EYS: variants seen among roughly 807,000 people sequenced by gnomAD.
EYS encodes the protein EGF-like photoreceptor maintenance factor.
In EYS, 250 loss-of-function variants were observed where a neutral mutation model predicts 282.1. The observed-to-expected ratio is 0.89, with a 90% CI of 0.80 to 0.98. The LOEUF (loss-of-function observed/expected upper bound fraction) is 0.98. EYS is among the 50% of genes least tolerant of loss of function. EYS has a pLI of 0.00. For missense variants in EYS, 4,016 were observed against 3,709.0 expected (o/e 1.08, Z -2.15); for synonymous variants, 1,355 against 1,282.9 (o/e 1.06, Z -1.20).
chr6:65,043,354 A>G (rs1772996810), intron 13 of EYS, among the ~76,000 whole-genome samples: 1 of 151,560 alleles, frequency 6.6e-6, no homozygotes, highest in Non-Finnish European at 1.5e-5. Flanking sequence ...CAAATGAAGT[A>G]AATGGGACTA....
intron 2 of EYS, among the ~76,000 whole-genome samples, chr6:65,616,236 A>G (rs1766194651): frequency 6.6e-6 from 1 of 152,172 alleles, no homozygotes; most frequent in South Asian, 2.1e-4. Context: ...GTCATATAAA[A>G]TGTTTCTGCT....
chr6:63,905,927 A>G (rs902254686), intron 35 of EYS, among the ~76,000 whole-genome samples: 36 of 152,316 alleles, frequency 2.4e-4, no homozygotes, highest in Admixed American at 3.3e-4. Context: ...TTGAAATTCC[A>G]GAAAAAAACA....
chr6:64,414,990 G>A (rs1774018256), intron 28 of EYS, among the ~76,000 whole-genome samples: 1 of 152,076 alleles, frequency 6.6e-6, no homozygotes, highest in Non-Finnish European at 1.5e-5. Context: ...GAGAGGATGA[G>A]TATGTCTCTC....
intron 19 of EYS, among the ~76,000 whole-genome samples, chr6:64,875,425 G>A (rs188026757): frequency 1.6e-4 from 24 of 152,012 alleles, no homozygotes; most frequent in East Asian, 9.7e-4. Context: ...TGGGTGCTCC[G>A]GGCTATATCT....
chr6:63,951,858 T>G (rs1211447716), intron 35 of EYS, among the ~76,000 whole-genome samples: 1 of 152,226 alleles, frequency 6.6e-6, no homozygotes, highest in Non-Finnish European at 1.5e-5. Flanking sequence ...TCATGGCTTG[T>G]TTGGTAGCAA....
intron 33 of EYS, among the ~76,000 whole-genome samples, chr6:64,064,646 G>A (rs982098284): frequency 6.6e-6 from 1 of 151,972 alleles, no homozygotes; most frequent in Admixed American, 6.6e-5. Flanking sequence ...TTTTTTTCCT[G>A]AGGCTATCTC....
At position 64,098,932 on chromosome 6, in the gene EYS, G is replaced by A. The variant is rs115471641; in HGVS notation, c.6425-16930C>T. 4.9e-3 allele frequency among the ~76,000 whole-genome samples: 743 copies of A among 152,128 alleles called. 4 individuals carry two copies. Among genetic ancestry groups the A allele is most frequent in the African/African-American group, 0.017 (706 of 41,518 alleles). ...TGTTTTATTTCTTACACTAGGTAGC[G>A]GGCATACAAATTATTGTTACATTAT... On this transcript the variant is annotated intron_variant, in intron 31 of 42. Coordinates refer to ENST00000503581, the MANE Select transcript of EYS (RefSeq NM_001142800.2).
intron 35 of EYS, among the ~76,000 whole-genome samples, chr6:63,939,562 A>C (rs955111750): frequency 2.0e-5 from 3 of 152,196 alleles, no homozygotes; most frequent in African/African-American, 4.8e-5. Flanking sequence ...TTGAATATAA[A>C]AATATAGCAG....
chr6:64,502,710 A>G (rs1430428423), intron 26 of EYS, among the ~76,000 whole-genome samples: 1 of 151,178 alleles, frequency 6.6e-6, no homozygotes, highest in Non-Finnish European at 1.5e-5. Context: ...TTTTTTTTTA[A>G]TCTTGTGCTG....
At chr6:64,627,315 A>G (rs1767641066) in intron 22 of EYS, among the ~76,000 whole-genome samples, 1 of 152,238 alleles carries the variant, frequency 6.6e-6, no homozygotes, top group Admixed American at 6.5e-5. Flanking sequence ...ATGGCAGAGT[A>G]TACGCAAGGG....
rs372097671 is a variant in EYS, at chr6:63,982,165, G to C, written c.7055+2218C>G. Among the ~76,000 whole-genome samples, 5 of 151,752 alleles carry C rather than the reference G, an allele frequency of 3.3e-5. No homozygotes were observed. The East Asian group carries it at 7.8e-4, about 24-fold the overall frequency. ...AAACCTTATCCTTACCTATTTCTCT[G>C]AGTTGGTAATGTTAGACACTTTTCC... On this transcript the variant is annotated intron_variant, in intron 35 of 42. Transcript: ENST00000503581.
At chr6:65,400,519 C>G (rs138379531) in intron 7 of EYS, among the ~76,000 whole-genome samples, 2 of 151,828 alleles carry the variant, frequency 1.3e-5, no homozygotes, top group African/African-American at 4.8e-5. Context: ...CATTTTTATG[C>G]TAACTTCCCA....
At chr6:63,934,039 A>T (rs1263432771) in intron 35 of EYS, among the ~76,000 whole-genome samples, 1 of 152,176 alleles carries the variant, frequency 6.6e-6, no homozygotes, top group Admixed American at 6.6e-5. Flanking sequence ...TCTACAATGA[A>T]CTCAAACAAA....
chr6:64,089,200 T>C lies in EYS; in HGVS notation c.6425-7198A>G, dbSNP rs1365407305. ...AAATATTACATTTTCCACTTATGAGTCTAATTTTATTAAAATCTGTGATTT... is the reference window on the plus strand; with the variant it reads ...AAATATTACATTTTCCACTTATGAGCCTAATTTTATTAAAATCTGTGATTT... On this transcript the variant is annotated intron_variant, in intron 31 of 42. Coordinates refer to ENST00000503581, the MANE Select transcript of EYS (RefSeq NM_001142800.2). Among the ~76,000 whole-genome samples the C allele has an allele frequency of 7.2e-5, 11 of 151,850 alleles. No individual in the cohort carries two copies. In the East Asian group the frequency reaches 2.1e-3, roughly 29 times the overall value.
At chr6:65,271,834 T>G (rs1767914626) in intron 12 of EYS, among the ~76,000 whole-genome samples, 2 of 152,134 alleles carry the variant, frequency 1.3e-5, no homozygotes, top group South Asian at 4.2e-4. Context: ...TCCACCTGCC[T>G]CAGCCTCCCA....
chr6:64,409,127 C>T (rs1773808067), intron 28 of EYS, among the ~76,000 whole-genome samples: 1 of 152,162 alleles, frequency 6.6e-6, no homozygotes, highest in Non-Finnish European at 1.5e-5. Flanking sequence ...GATGTGATTT[C>T]ATTCCCTTTT....
chr6:65,702,870 C>T (rs1471865784), intron 1 of EYS, among the ~76,000 whole-genome samples: 1 of 151,988 alleles, frequency 6.6e-6, no homozygotes, highest in African/African-American at 2.4e-5. Flanking sequence ...ATAGTATCCA[C>T]TTTTTGGTCA....
intron 1 of EYS, among the ~76,000 whole-genome samples, chr6:65,705,036 C>A (rs1409464165): frequency 6.6e-6 from 1 of 151,980 alleles, no homozygotes; most frequent in Non-Finnish European, 1.5e-5. Context: ...TTTTTTATTT[C>A]AATGATAGAG....
At chr6:64,139,988 A>C in intron 31 of EYS, among the ~76,000 whole-genome samples, 1 of 151,060 alleles carries the variant, frequency 6.6e-6, no homozygotes, top group Middle Eastern at 3.4e-3. Context: ...TAAATAAATA[A>C]ATAAATAAAT....
Sources: gnomAD v4.1 joint callset for allele counts (sites outside exome capture counted in the v4.1 genomes callset) on GRCh38, gnomAD v4.1.1 for gene constraint, MANE v1.5 for transcripts, NCBI Gene and HGNC (gene_info 2026-07-23, HGNC 2026-07-21) for gene names.